Variants in GRID2 observed in about 807,000 individuals in gnomAD.
GRID2 encodes glutamate ionotropic receptor delta type subunit 2, also known as glutamate receptor ionotropic, delta-2.
GRID2 carries 33 observed loss-of-function variants against 114.8 expected under a neutral mutation model. The ratio of observed to expected loss-of-function variants is 0.29; its 90% CI spans 0.22 to 0.38. The LOEUF (loss-of-function observed/expected upper bound fraction) is 0.38. GRID2 is among the 10% of genes least tolerant of loss of function. GRID2 has a pLI of 1.00. For missense variants in GRID2, 1,184 were observed against 1,257.7 expected (o/e 0.94, Z 0.89); for synonymous variants, 505 against 449.9 (o/e 1.12, Z -1.55).
At chr4:92,946,293 T>G (rs35083676) in intron 2 of GRID2, among the ~76,000 whole-genome samples, 1 of 152,116 alleles carries the variant, frequency 6.6e-6, no homozygotes, top group Non-Finnish European at 1.5e-5. Context: ...ATATATTTTG[T>G]GCTTATTTGA....
intron 1 of GRID2, among the ~76,000 whole-genome samples, chr4:92,443,833 A>G (rs903101467): frequency 2.6e-5 from 4 of 152,180 alleles, no homozygotes; most frequent in African/African-American, 9.6e-5. Flanking sequence ...GAATAATCAG[A>G]GAGGCGTCCC....
intron 1 of GRID2, among the ~76,000 whole-genome samples, chr4:92,539,291 C>G (rs911032361): frequency 1.3e-5 from 2 of 152,032 alleles, no homozygotes; most frequent in Non-Finnish European, 2.9e-5. Flanking sequence ...TAAATTTACA[C>G]AGAGAAACAT....
intron 14 of GRID2, among the ~76,000 whole-genome samples, chr4:93,712,966 T>G (rs2110171902): frequency 6.6e-6 from 1 of 152,292 alleles, no homozygotes; most frequent in Non-Finnish European, 1.5e-5. Flanking sequence ...ATCTGTGACA[T>G]CGCATCCTAC....
At position 92,988,651 on chromosome 4, in the gene GRID2, C is replaced by T. The variant is rs561396584; in HGVS notation, c.245-96344C>T. Reference sequence around the variant, plus strand: ...AACTGGATTACCCAATTTATAGACACGAAAAAGATTGATCATGGTTTTATG... The same window carrying T: ...AACTGGATTACCCAATTTATAGACATGAAAAAGATTGATCATGGTTTTATG... On this transcript the variant is annotated intron_variant, in intron 2 of 15. Coordinates refer to ENST00000282020, the MANE Select transcript of GRID2 (RefSeq NM_001510.4). 2.6e-5 allele frequency among the ~76,000 whole-genome samples: 4 copies of T among 151,970 alleles called. No homozygotes were observed. In the East Asian group the frequency reaches 5.9e-4, roughly 22 times the overall value.
intron 4 of GRID2, among the ~76,000 whole-genome samples, chr4:93,172,005 T>C (rs7672555): frequency 0.55 from 84,163 of 152,000 alleles, 24,516 homozygotes; most frequent in African/African-American, 0.71. Flanking sequence ...TTCCTATTAG[T>C]TTACTATTTG....
chr4:92,920,104 G>GC (rs1749183571), intron 2 of GRID2, among the ~76,000 whole-genome samples: 1 of 152,008 alleles, frequency 6.6e-6, no homozygotes, highest in Admixed American at 6.6e-5. Flanking sequence ...TTATATAATG[G>GC]CCTTCTTTGT....
chr4:93,176,323 G>A (rs1158320452), intron 4 of GRID2, among the ~76,000 whole-genome samples: 1 of 152,066 alleles, frequency 6.6e-6, no homozygotes, highest in South Asian at 2.1e-4. Context: ...TTAATGTGAT[G>A]AGCCTAAAGT....
intron 8 of GRID2, among the ~76,000 whole-genome samples, chr4:93,272,231 C>A (rs737404): frequency 0.71 from 108,557 of 152,100 alleles, 39,620 homozygotes; most frequent in Middle Eastern, 0.86. Flanking sequence ...CTTCTTGCAT[C>A]GAACTTTCAT....
chr4:93,712,858 A>T (rs932700570), intron 14 of GRID2, among the ~76,000 whole-genome samples: 9 of 152,112 alleles, frequency 5.9e-5, no homozygotes, highest in African/African-American at 2.2e-4. Context: ...TTTGTTTCTA[A>T]AAGGCTTCCA....
At chr4:93,387,971 A>G (rs1764491814) in intron 8 of GRID2, among the ~76,000 whole-genome samples, 1 of 152,166 alleles carries the variant, frequency 6.6e-6, no homozygotes, top group African/African-American at 2.4e-5. Context: ...TATTTAATAA[A>G]TGGGAAGAGG....
intron 1 of GRID2, among the ~76,000 whole-genome samples, chr4:92,541,060 A>G (rs570395221): frequency 1.3e-3 from 203 of 151,992 alleles, no homozygotes; most frequent in African/African-American, 4.8e-3. Context: ...ACCAAACACC[A>G]CATGTTCTCA....
intron 8 of GRID2, among the ~76,000 whole-genome samples, chr4:93,387,462 GA>G (rs918798660): frequency 6.6e-6 from 1 of 152,062 alleles, no homozygotes; most frequent in Non-Finnish European, 1.5e-5. Flanking sequence ...TTAAAAGGGG[GA>G]AAAATCTCAG....
At chr4:93,357,723 G>T (rs905793031) in intron 8 of GRID2, among the ~76,000 whole-genome samples, 1 of 151,632 alleles carries the variant, frequency 6.6e-6, no homozygotes, top group African/African-American at 2.4e-5. Context: ...AATATGTAAA[G>T]GATCTTGATT....
chr4:93,584,950 G>T (rs186090519), intron 13 of GRID2, among the ~76,000 whole-genome samples: 1 of 152,078 alleles, frequency 6.6e-6, no homozygotes, highest in Non-Finnish European at 1.5e-5. Context: ...GGTGGAGAAG[G>T]ACTCTCTGGT....
At chr4:93,468,581 G>C (rs1033129354) in intron 11 of GRID2, among the ~76,000 whole-genome samples, 1 of 152,078 alleles carries the variant, frequency 6.6e-6, no homozygotes, top group African/African-American at 2.4e-5. Flanking sequence ...AGATGATCAG[G>C]TATAGGGAAG....
At chr4:93,539,656 C>T (rs1300358957) in intron 13 of GRID2, among the ~76,000 whole-genome samples, 1 of 152,006 alleles carries the variant, frequency 6.6e-6, no homozygotes, top group Non-Finnish European at 1.5e-5. Context: ...AATTGTGAGA[C>T]TTGCATGCCT....
intron 1 of GRID2, among the ~76,000 whole-genome samples, chr4:92,332,723 A>G (rs1480687124): frequency 6.6e-6 from 1 of 152,184 alleles, no homozygotes; most frequent in Non-Finnish European, 1.5e-5. Flanking sequence ...CATAGGGTAG[A>G]CATTTCCATT....
chr4:93,195,030 T>A (rs888890815), intron 4 of GRID2, among the ~76,000 whole-genome samples: 1 of 152,230 alleles, frequency 6.6e-6, no homozygotes, highest in African/African-American at 2.4e-5. Context: ...GGACAGATTG[T>A]GAATAATTTT....
intron 1 of GRID2, among the ~76,000 whole-genome samples, chr4:92,361,409 T>C (rs1259179681): frequency 6.6e-6 from 1 of 151,932 alleles, no homozygotes; most frequent in Non-Finnish European, 1.5e-5. Flanking sequence ...AGAAAAAAAA[T>C]TGTGTATGTA....
Sources: allele counts gnomAD v4.1 joint callset (sites outside exome capture counted in the v4.1 genomes callset), GRCh38; gene constraint gnomAD v4.1.1; transcripts MANE v1.5; gene names NCBI Gene and HGNC (gene_info 2026-07-23, HGNC 2026-07-21).